ATG7: variants seen among roughly 807,000 people sequenced by gnomAD.
The protein encoded by ATG7 is autophagy related 7.
In ATG7, 70 loss-of-function variants were observed where a neutral mutation model predicts 82.4. That is an observed-to-expected ratio of 0.85 (90% CI 0.70 to 1.04). The LOEUF (loss-of-function observed/expected upper bound fraction) is 1.04, where lower values mean the gene tolerates loss of function less well. Ranked by LOEUF, ATG7 falls within the 50% of genes least tolerant of loss-of-function variation. The probability of loss-of-function intolerance (pLI) is 0.00; values close to 1 mark genes in which losing one functional copy is unlikely to be tolerated. For synonymous variants in ATG7, 287 were observed against 313.0 expected (o/e 0.92, Z 0.88); for missense variants, 792 against 864.3 (o/e 0.92, Z 1.05).
rs1394836320 is a variant in ATG7, at chr3:11,488,502, C to T, written c.2079+61576C>T. ...TGCAGCTGGGGCCCGCGGGTGTCAG[C>T]GCCGCGACTGTCCCGGCTCCGCACT... On this transcript the variant is annotated intron_variant, in intron 20 of 20. Transcript: ENST00000693202. 110 of 1,240,194 alleles carry T rather than the reference C, an allele frequency of 8.9e-5. No individual in the cohort carries two copies. The East Asian group carries it at 1.3e-3, about 14-fold the overall frequency. 76.8% of individuals were successfully genotyped at this position (1,240,194 alleles called of 1,614,324 possible). A position where few individuals can be genotyped will look rare whatever the true frequency, so the allele number is the denominator to read the frequency against.
chr3:11,364,174 T>A (rs1468130248), intron 17 of ATG7, among the ~76,000 whole-genome samples: 1 of 152,244 alleles, frequency 6.6e-6, no homozygotes, highest in Non-Finnish European at 1.5e-5. Flanking sequence ...TTCTTCACTT[T>A]TATTTCTTCC....
At chr3:11,454,912 A>T (rs1471681018) in intron 20 of ATG7, among the ~76,000 whole-genome samples, 1 of 152,214 alleles carries the variant, frequency 6.6e-6, no homozygotes, top group Non-Finnish European at 1.5e-5. Flanking sequence ...AGAGAGGACA[A>T]ACTCAAACCC....
At chr3:11,480,062 G>A (rs910965473) in intron 20 of ATG7, among the ~76,000 whole-genome samples, 6 of 151,980 alleles carry the variant, frequency 3.9e-5, no homozygotes, top group Admixed American at 1.3e-4. Flanking sequence ...CAAGTAGCTG[G>A]GACTACAGGT....
chr3:11,351,025 C>T (rs1426743041), intron 14 of ATG7, among the ~76,000 whole-genome samples: 1 of 150,976 alleles, frequency 6.6e-6, no homozygotes, highest in Non-Finnish European at 1.5e-5. Flanking sequence ...TGAACCTGAG[C>T]TCTGTCACTT....
intron 19 of ATG7, among the ~76,000 whole-genome samples, chr3:11,419,752 CAA>C (rs996085620): frequency 1.3e-5 from 2 of 152,038 alleles, no homozygotes; most frequent in African/African-American, 4.8e-5. Context: ...AAGGAGTCAC[CAA>C]AGTGTCTTAG....
intron 20 of ATG7, among the ~76,000 whole-genome samples, chr3:11,479,039 C>CAA (rs1553688657): frequency 1.1e-3 from 166 of 149,606 alleles, no homozygotes; most frequent in African/African-American, 3.9e-3. Context: ...CACACACACA[C>CAA]AATTTTTTAC....
chr3:11,317,838 G>T (rs1232952155), intron 9 of ATG7, among the ~76,000 whole-genome samples: 2 of 151,952 alleles, frequency 1.3e-5, no homozygotes, highest in African/African-American at 4.8e-5. Context: ...TGATCCTCCC[G>T]CCTCGCCCTC....
intron 17 of ATG7, chr3:11,363,163 A>C: frequency 2.2e-6 from 1 of 446,652 alleles, no homozygotes; most frequent in East Asian, 4.4e-5. Context: ...GGTTTATTTT[A>C]TTTTTCCAAC....
intron 19 of ATG7, among the ~76,000 whole-genome samples, chr3:11,409,010 G>T (rs1205464656): frequency 1.3e-5 from 2 of 152,114 alleles, no homozygotes; most frequent in Non-Finnish European, 1.5e-5. Flanking sequence ...TATTTTTATT[G>T]TTGTGTTCTA....
At chr3:11,453,755 GCATCCACA>G (rs1450799245) in intron 20 of ATG7, among the ~76,000 whole-genome samples, 5 of 152,060 alleles carry the variant, frequency 3.3e-5, no homozygotes, top group African/African-American at 7.2e-5. Context: ...GCGTCTGCCT[GCATCCACA>G]CATGTAGGAC....
intron 20 of ATG7, among the ~76,000 whole-genome samples, chr3:11,447,783 G>C (rs1371157625): frequency 6.6e-6 from 1 of 152,184 alleles, no homozygotes; most frequent in Non-Finnish European, 1.5e-5. Flanking sequence ...ACAGCTGGCA[G>C]TAGAAAGGGA....
intron 19 of ATG7, among the ~76,000 whole-genome samples, chr3:11,399,643 C>T (rs1189000456): frequency 2.6e-5 from 4 of 152,108 alleles, no homozygotes; most frequent in South Asian, 2.1e-4. Flanking sequence ...GACACAATCT[C>T]GGCTCACTGC....
chr3:11,452,989 T>G (rs1559655523), intron 20 of ATG7, among the ~76,000 whole-genome samples: 2 of 152,182 alleles, frequency 1.3e-5, no homozygotes. Context: ...TGGGCCCAAT[T>G]ACTGCTGACC....
At chr3:11,354,672 AAAAG>A (rs1316309708) in intron 14 of ATG7, among the ~76,000 whole-genome samples, 1 of 151,646 alleles carries the variant, frequency 6.6e-6, no homozygotes, top group African/African-American at 2.4e-5. Context: ...AAAAAAAAAA[AAAAG>A]ATGTTGGATT....
At chr3:11,564,900 G>A in the ATG7 span, 51 of 1,607,376 alleles carry the variant, frequency 3.2e-5, no homozygotes, top group Non-Finnish European at 3.9e-5. Context: ...GCCAAGGCTG[G>A]GGAGGGAGGT....
intron 9 of ATG7, among the ~76,000 whole-genome samples, chr3:11,324,648 T>C (rs753894003): frequency 1.3e-5 from 2 of 150,458 alleles, no homozygotes; most frequent in Non-Finnish European, 2.9e-5. Context: ...CAAAAAAAGA[T>C]TTTTTTTTCA....
chr3:11,524,680 G>A (rs941864171), intron 20 of ATG7, among the ~76,000 whole-genome samples: 10 of 152,116 alleles, frequency 6.6e-5, no homozygotes, highest in Non-Finnish European at 1.3e-4. Flanking sequence ...CCAGCAGCTC[G>A]GGAGGCTGAG....
intron 20 of ATG7, among the ~76,000 whole-genome samples, chr3:11,431,342 A>C (rs1178752745): frequency 1.3e-5 from 2 of 152,264 alleles, no homozygotes; most frequent in East Asian, 3.8e-4. Flanking sequence ...TGGAGGCTGC[A>C]GTGAGCTGAG....
intron 19 of ATG7, among the ~76,000 whole-genome samples, chr3:11,422,118 T>C (rs2081984192): frequency 6.6e-6 from 1 of 152,212 alleles, no homozygotes; most frequent in African/African-American, 2.4e-5. Context: ...TCAGTAAGCA[T>C]TGGCTTCAAC....
Sources: allele counts gnomAD v4.1 joint callset (sites outside exome capture counted in the v4.1 genomes callset), GRCh38; gene constraint gnomAD v4.1.1; transcripts MANE v1.5; gene names NCBI Gene and HGNC (gene_info 2026-07-23, HGNC 2026-07-21).